CTNNA2: variants seen among roughly 807,000 people sequenced by gnomAD.
The protein encoded by CTNNA2 is catenin alpha 2.
CTNNA2 carries 42 observed loss-of-function variants against 101.0 expected under a neutral mutation model. That is an observed-to-expected ratio of 0.42 (90% CI 0.32 to 0.54). The LOEUF (loss-of-function observed/expected upper bound fraction) is 0.54, where lower values mean the gene tolerates loss of function less well. CTNNA2 is among the 20% of genes least tolerant of loss of function. CTNNA2 has a pLI of 0.14. For synonymous variants in CTNNA2, 450 were observed against 456.4 expected (o/e 0.99, Z 0.18); for missense variants, 871 against 1,223.1 (o/e 0.71, Z 4.29).
At chr2:80,040,943 A>G (rs1451073081) in intron 7 of CTNNA2, among the ~76,000 whole-genome samples, 2 of 152,242 alleles carry the variant, frequency 1.3e-5, no homozygotes, top group African/African-American at 4.8e-5. Flanking sequence ...GAAATTACTA[A>G]TGGCACAAGG....
chr2:79,736,169 G>A lies in CTNNA2; in HGVS notation c.103-8218G>A, dbSNP rs149234813. ...CGTCAGAATTTGTATAACTTTGTTG[G>A]TCTGCCTTTCTCTCTGATGTGTACA... On this transcript the variant is annotated intron_variant, in intron 2 of 18. Transcript: ENST00000402739. 2.0e-5 allele frequency among the ~76,000 whole-genome samples: 3 copies of A among 152,222 alleles called. No individual in the cohort carries two copies. In the East Asian group the frequency reaches 5.8e-4, roughly 29 times the overall value.
intron 4 of CTNNA2, among the ~76,000 whole-genome samples, chr2:79,449,192 C>T (rs1678863730): frequency 6.6e-6 from 1 of 151,938 alleles, no homozygotes; most frequent in Non-Finnish European, 1.5e-5. Context: ...GGCAGGAGGA[C>T]TTTGTGAGCT....
intron 7 of CTNNA2, among the ~76,000 whole-genome samples, chr2:80,129,692 A>G (rs774577088): frequency 6.6e-5 from 10 of 152,188 alleles, no homozygotes; most frequent in East Asian, 1.9e-4. Flanking sequence ...CTACAACTCT[A>G]TAATGGAACT....
chr2:80,639,048 C>T (rs564528011), intron 18 of CTNNA2, among the ~76,000 whole-genome samples: 3 of 125,206 alleles, frequency 2.4e-5, no homozygotes, highest in South Asian at 2.2e-4. Flanking sequence ...AGATAACAGA[C>T]CTCTTGTCCT....
At chr2:79,926,574 T>G (rs538298777) in intron 7 of CTNNA2, among the ~76,000 whole-genome samples, 1 of 152,194 alleles carries the variant, frequency 6.6e-6, no homozygotes, top group South Asian at 2.1e-4. Flanking sequence ...GTTCATATTT[T>G]CTTTAACACA....
Position 80,516,046 on chromosome 2 carries a change from C to CCTCCTTCT in CTNNA2, c.1291-28934_1291-28927dup, listed in dbSNP as rs1361604446. ...CCTTTCAGGTCAAGTGTATAGATGA[C>CCTCCTTCT]CTCCTTCTCATTACGGACAACAGTG... On this transcript the variant is annotated intron_variant, in intron 9 of 18. Transcript: ENST00000402739. 5.9e-5 allele frequency among the ~76,000 whole-genome samples: 9 copies of CCTCCTTCT among 152,292 alleles called. No individual in the cohort carries two copies. The East Asian group carries it at 1.7e-3, about 29-fold the overall frequency.
At chr2:79,319,567 A>C (rs957814810) in intron 3 of CTNNA2, 1 of 152,074 alleles carries the variant, frequency 6.6e-6, no homozygotes, top group Non-Finnish European at 1.5e-5. Context: ...TATTTAAAAA[A>C]AAAAGCAGTG....
chr2:79,711,694 G>A (rs1685750512), intron 2 of CTNNA2, among the ~76,000 whole-genome samples: 1 of 152,156 alleles, frequency 6.6e-6, no homozygotes, highest in African/African-American at 2.4e-5. Context: ...ACAGGGATTG[G>A]AGAACTTTTT....
At chr2:80,158,135 C>A (rs1468434267) in intron 7 of CTNNA2, among the ~76,000 whole-genome samples, 2 of 152,124 alleles carry the variant, frequency 1.3e-5, no homozygotes, top group Non-Finnish European at 2.9e-5. Context: ...TCAGAAATAG[C>A]CTCTTCCACC....
intron 16 of CTNNA2, chr2:80,605,628 C>T (rs1335454283): frequency 6.6e-6 from 1 of 151,898 alleles, no homozygotes; most frequent in East Asian, 1.9e-4. Context: ...GCTCTAACAT[C>T]CTTCATTCAA....
intron 7 of CTNNA2, among the ~76,000 whole-genome samples, chr2:80,072,296 C>T (rs1013633448): frequency 6.6e-6 from 1 of 151,842 alleles, no homozygotes; most frequent in South Asian, 2.1e-4. Flanking sequence ...TGTCACCTAC[C>T]TTTTCTCCTC....
chr2:79,390,936 A>G (rs927156503), intron 4 of CTNNA2, among the ~76,000 whole-genome samples: 1 of 152,198 alleles, frequency 6.6e-6, no homozygotes, highest in African/African-American at 2.4e-5. Flanking sequence ...TACTTAGTCA[A>G]TGAAAAAGAT....
At chr2:79,909,442 C>G in intron 6 of CTNNA2, 152 bp from the exon 7 acceptor site, 2 of 567,864 alleles carry the variant, frequency 3.5e-6, no homozygotes, top group Non-Finnish European at 6.2e-6. Context: ...AAAGTTAATA[C>G]TTTGTCAAGG....
At chr2:79,442,199 T>C (rs1423692444) in intron 4 of CTNNA2, among the ~76,000 whole-genome samples, 1 of 152,202 alleles carries the variant, frequency 6.6e-6, no homozygotes, top group African/African-American at 2.4e-5. Flanking sequence ...CACAAATCAG[T>C]AGTATAAAAT....
intron 6 of CTNNA2, among the ~76,000 whole-genome samples, chr2:79,876,704 A>G (rs1683049037): frequency 6.6e-6 from 1 of 152,178 alleles, no homozygotes; most frequent in Non-Finnish European, 1.5e-5. Context: ...TCCCCAATTA[A>G]TGTAACAACC....
chr2:79,553,451 G>T (rs1674242383), intron 1 of CTNNA2, among the ~76,000 whole-genome samples: 1 of 152,092 alleles, frequency 6.6e-6, no homozygotes, highest in African/African-American at 2.4e-5. Context: ...AATTTTCTGT[G>T]TTGGTCTGTT....
At chr2:80,584,824 T>A (rs1268937939) in intron 14 of CTNNA2, among the ~76,000 whole-genome samples, 1 of 152,132 alleles carries the variant, frequency 6.6e-6, no homozygotes, top group African/African-American at 2.4e-5. Context: ...GTGATGATGC[T>A]TGTGGCTTGA....
chr2:80,419,902 C>A (rs1573996586), intron 9 of CTNNA2, among the ~76,000 whole-genome samples: 1 of 151,710 alleles, frequency 6.6e-6, no homozygotes, highest in Non-Finnish European at 1.5e-5. Flanking sequence ...GTGCTGAATA[C>A]CAGTTTTGAT....
chr2:79,705,700 G>C (rs1255985804), intron 2 of CTNNA2, among the ~76,000 whole-genome samples: 1 of 152,094 alleles, frequency 6.6e-6, no homozygotes, highest in Non-Finnish European at 1.5e-5. Context: ...TATGTGAAAT[G>C]GCAATTTGGA....
Sources: allele counts gnomAD v4.1 joint callset (sites outside exome capture counted in the v4.1 genomes callset), GRCh38; gene constraint gnomAD v4.1.1; transcripts MANE v1.5; gene names NCBI Gene and HGNC (gene_info 2026-07-23, HGNC 2026-07-21).